Variants in CDH23 observed in about 807,000 individuals in gnomAD.
CDH23 encodes the protein cadherin-23.
CDH23 carries 189 observed loss-of-function variants against 317.1 expected under a neutral mutation model. That is an observed-to-expected ratio of 0.60 (90% CI 0.53 to 0.67). The LOEUF (loss-of-function observed/expected upper bound fraction) is 0.67. CDH23 is among the 30% of genes least tolerant of loss of function. The pLI is 0.00. For synonymous variants in CDH23, 1,839 were observed against 1,876.8 expected, an observed-to-expected ratio of 0.98 and a Z score of 0.52; for missense variants, 4,401 against 4,592.4, an observed-to-expected ratio of 0.96 and a Z score of 1.20.
At chr10:71,698,264 T>G (rs777773615) in intron 22 of CDH23, among the ~76,000 whole-genome samples, 9 of 152,150 alleles carry the variant, frequency 5.9e-5, no homozygotes, top group Non-Finnish European at 1.3e-4. Flanking sequence ...TATTTCCAAT[T>G]TTATAGCCAT....
intron 14 of CDH23, among the ~76,000 whole-genome samples, chr10:71,663,933 G>A (rs1370054407): frequency 5.3e-5 from 8 of 152,052 alleles, no homozygotes; most frequent in South Asian, 2.1e-4. Context: ...CCCAGGAGGC[G>A]GAGGTTGCAG....
Position 71,695,551 on chromosome 10 carries a change from T to C in CDH23, c.2397+26T>C, listed in dbSNP as rs3752750. On this transcript the variant is annotated intron_variant, in intron 22 of 69. Coordinates refer to ENST00000224721, the MANE Select transcript of CDH23 (RefSeq NM_022124.6). ...GTAGGTGGTGGCAGAGCAGCAGAACTGCCAGGCGGCCCTTCCCAGGGGTCT... is the reference window on the plus strand; with the variant it reads ...GTAGGTGGTGGCAGAGCAGCAGAACCGCCAGGCGGCCCTTCCCAGGGGTCT... The C allele has an allele frequency of 0.67, 1,030,032 of 1,532,188 alleles. 351,233 individuals are homozygous for C. The highest frequency in any genetic ancestry group is 0.71 in the Non-Finnish European group (781,660 of 1,105,572). 94.9% of individuals were successfully genotyped at this position (1,532,188 alleles called of 1,614,324 possible). A position where few individuals can be genotyped will look rare whatever the true frequency, so the allele number is the denominator to read the frequency against.
At chr10:71,564,192 T>C (rs563216622) in intron 6 of CDH23, among the ~76,000 whole-genome samples, 1 of 152,284 alleles carries the variant, frequency 6.6e-6, no homozygotes, top group African/African-American at 2.4e-5. Context: ...TCTGCTTGCA[T>C]TGAGTCTGCA....
intron 48 of CDH23, among the ~76,000 whole-genome samples, chr10:71,794,950 G>A (rs1277053772): frequency 1.3e-5 from 2 of 152,116 alleles, no homozygotes; most frequent in Non-Finnish European, 2.9e-5. Context: ...GCATCATGGG[G>A]GTACCAGCCA....
chr10:71,556,248 T>A (rs1856869874), intron 6 of CDH23, among the ~76,000 whole-genome samples: 2 of 151,980 alleles, frequency 1.3e-5, no homozygotes, highest in Admixed American at 1.3e-4. Context: ...GGAAATGAGA[T>A]GCTGGATGAG....
intron 20 of CDH23, among the ~76,000 whole-genome samples, chr10:71,693,528 T>C (rs554413349): frequency 6.6e-6 from 1 of 152,346 alleles, no homozygotes; most frequent in African/African-American, 2.4e-5. Context: ...GTTGGATAGG[T>C]TGAACTGTCC....
chr10:71,696,671 C>T (rs1865403078), intron 22 of CDH23, among the ~76,000 whole-genome samples: 1 of 152,238 alleles, frequency 6.6e-6, no homozygotes, highest in Admixed American at 6.5e-5. Flanking sequence ...CCCTCTTTGT[C>T]CTTCCTTCCA....
At chr10:71,428,453 A>ATGTG (rs142212600) in intron 1 of CDH23, among the ~76,000 whole-genome samples, 1 of 151,266 alleles carries the variant, frequency 6.6e-6, no homozygotes, top group South Asian at 2.1e-4. Context: ...CACTTGTTTT[A>ATGTG]TGTGTGTGTG....
At chr10:71,511,087 G>A in intron 5 of CDH23, 33 bp from the exon 6 acceptor site, 1 of 1,612,478 alleles carries the variant, frequency 6.2e-7, no homozygotes, top group Non-Finnish European at 8.5e-7. Context: ...AGAGTCAGGT[G>A]GCGGCGCTAA....
intron 3 of CDH23, among the ~76,000 whole-genome samples, chr10:71,462,513 T>C (rs1851049573): frequency 6.6e-6 from 1 of 152,134 alleles, no homozygotes; most frequent in Non-Finnish European, 1.5e-5. Context: ...GTCACCACAC[T>C]CACAGTGTGA....
chr10:71,445,361 T>C (rs1032747297), intron 2 of CDH23, among the ~76,000 whole-genome samples: 3 of 152,184 alleles, frequency 2.0e-5, no homozygotes, highest in African/African-American at 7.2e-5. Flanking sequence ...CAGCTGGCCA[T>C]CCCTTCACAC....
At chr10:71,688,896 C>T (rs1236833) in intron 19 of CDH23, among the ~76,000 whole-genome samples, 22 of 90,032 alleles carry the variant, frequency 2.4e-4, no homozygotes, top group East Asian at 6.4e-4. Context: ...GGTGGTGGAG[C>T]CAGGGATGGT....
At chr10:71,719,123 A>G (rs1012524732) in intron 28 of CDH23, among the ~76,000 whole-genome samples, 3 of 152,166 alleles carry the variant, frequency 2.0e-5, no homozygotes, top group African/African-American at 7.2e-5. Context: ...TGTAATTAGC[A>G]TCTGAGTAGT....
chr10:71,665,438 CA>C (rs1346245234), intron 14 of CDH23, among the ~76,000 whole-genome samples: 1 of 152,202 alleles, frequency 6.6e-6, no homozygotes, highest in Non-Finnish European at 1.5e-5. Flanking sequence ...AAGTGCTTTG[CA>C]AATGTAGATC....
intron 38 of CDH23, among the ~76,000 whole-genome samples, chr10:71,767,209 C>G (rs1199273907): frequency 6.6e-6 from 1 of 152,226 alleles, no homozygotes; most frequent in Non-Finnish European, 1.5e-5. Context: ...TCTCTCCACC[C>G]AGCAGGCCCC....
chr10:71,759,606 A>G (rs1840242640), intron 38 of CDH23, among the ~76,000 whole-genome samples: 1 of 151,614 alleles, frequency 6.6e-6, no homozygotes, highest in South Asian at 2.1e-4. Flanking sequence ...CAGTAGTTTG[A>G]GACCAGCCTG....
At chr10:71,505,268 G>A (rs961176464) in intron 3 of CDH23, among the ~76,000 whole-genome samples, 2 of 152,114 alleles carry the variant, frequency 1.3e-5, no homozygotes, top group African/African-American at 2.4e-5. Context: ...GCCAAAGCTG[G>A]GCTGTTTACC....
At chr10:71,606,441 C>G (rs979147628) in intron 9 of CDH23, among the ~76,000 whole-genome samples, 5 of 152,228 alleles carry the variant, frequency 3.3e-5, no homozygotes, top group African/African-American at 1.2e-4. Context: ...GCTGTGGTGT[C>G]TTTATGATGT....
intron 11 of CDH23, among the ~76,000 whole-genome samples, chr10:71,637,136 T>C (rs1862313490): frequency 6.6e-6 from 1 of 152,162 alleles, no homozygotes; most frequent in Non-Finnish European, 1.5e-5. Context: ...AGTGAAAGGA[T>C]GGACAAAGAA....
Sources: allele counts gnomAD v4.1 joint callset (sites outside exome capture counted in the v4.1 genomes callset), GRCh38; gene constraint gnomAD v4.1.1; transcripts MANE v1.5; gene names NCBI Gene and HGNC (gene_info 2026-07-23, HGNC 2026-07-21).